ACTR3B: variants seen among roughly 807,000 people sequenced by gnomAD.
ACTR3B encodes the protein actin-related protein 3B.
Under a neutral mutation model 59.0 loss-of-function variants are expected in ACTR3B, and 8 were observed. The observed-to-expected ratio is 0.14, with a 90% CI of 0.08 to 0.24. ACTR3B has a LOEUF of 0.24. ACTR3B is among the 10% of genes least tolerant of loss of function. The pLI is 1.00. For missense variants in ACTR3B, 245 were observed against 552.3 expected, an observed-to-expected ratio of 0.44 and a Z score of 5.58; for synonymous variants, 148 against 197.9, an observed-to-expected ratio of 0.75 and a Z score of 2.12.
intron 10 of ACTR3B, among the ~76,000 whole-genome samples, chr7:152,853,191 A>G (rs919551098): frequency 1.3e-5 from 2 of 151,762 alleles, no homozygotes; most frequent in African/African-American, 4.8e-5. Flanking sequence ...AAAAAAAAAA[A>G]AGCAGTGGGG....
In ACTR3B at chr7:152,764,643, C is replaced by CA. The variant is rs57066285; in HGVS notation, c.44+4732dup. 1.2e-3 allele frequency among the ~76,000 whole-genome samples: 136 copies of CA among 116,652 alleles called. 1 individual carries two copies. The highest frequency in any genetic ancestry group is 2.0e-3 in the Non-Finnish European group (104 of 50,964). The allele number at this position is 116,652 out of a possible 152,430, so 76.5% of individuals were successfully genotyped here. On this transcript the variant is annotated intron_variant, in intron 1 of 11. Transcript: ENST00000256001. ...GCCTGGCAACAGCGAGACTCCATCT[C>CA]AAAAAAAAAAAAAAAGAAAAAATAA...
chr7:152,792,781 CA>C (rs1193210363), intron 2 of ACTR3B, among the ~76,000 whole-genome samples: 1 of 151,910 alleles, frequency 6.6e-6, no homozygotes, highest in Non-Finnish European at 1.5e-5. Flanking sequence ...ACAAAAACAA[CA>C]ACAACAAAAA....
rs1796455236 is a variant in ACTR3B, at chr7:152,824,959, TA to T, written c.859-68del. The T allele has an allele frequency of 6.7e-7, 1 of 1,481,986 alleles. No individual in the cohort carries two copies. The highest frequency in any genetic ancestry group is 1.4e-5 in the African/African-American group (1 of 70,786). 91.8% of individuals were successfully genotyped at this position (1,481,986 alleles called of 1,614,324 possible). ...AATTGTATATTTGTTAAAGTTACTT[TA>T]AAGAAGTGTGCATGTTGTTCTATTT... On this transcript the variant is annotated intron_variant, in intron 8 of 11. Transcript: ENST00000256001. This position sits in a 1 kb window ranked among gnomAD's most constrained non-coding sequence, Gnocchi z 4.2.
intron 1 of ACTR3B, among the ~76,000 whole-genome samples, chr7:152,776,693 G>A (rs933414533): frequency 1.1e-4 from 17 of 152,270 alleles, no homozygotes; most frequent in Non-Finnish European, 1.5e-4. Context: ...TAACACTGAG[G>A]TAGGGATTAT....
At chr7:152,808,819 A>G (rs1346031885) in intron 4 of ACTR3B, among the ~76,000 whole-genome samples, 5 of 152,164 alleles carry the variant, frequency 3.3e-5, no homozygotes, top group African/African-American at 9.7e-5. Flanking sequence ...GAGTACTTCT[A>G]TGTGCCCAGC....
At chr7:152,766,842 G>A (rs1254756710) in intron 1 of ACTR3B, among the ~76,000 whole-genome samples, 2 of 151,766 alleles carry the variant, frequency 1.3e-5, no homozygotes, top group African/African-American at 2.4e-5. Flanking sequence ...GCTAGAGTGC[G>A]GCGGCACAGT....
At chr7:152,838,744 C>T (rs1276320370) in intron 9 of ACTR3B, among the ~76,000 whole-genome samples, 1 of 152,236 alleles carries the variant, frequency 6.6e-6, no homozygotes, top group Non-Finnish European at 1.5e-5. Flanking sequence ...GAGGTTTTTA[C>T]AGCCACTGAC....
At chr7:152,828,532 G>A (rs1255799083) in intron 9 of ACTR3B, among the ~76,000 whole-genome samples, 9 of 152,070 alleles carry the variant, frequency 5.9e-5, no homozygotes, top group Non-Finnish European at 1.3e-4. Context: ...GTGTTAGCAA[G>A]TGCACAGATC....
chr7:152,765,615 CT>C (rs928208179), intron 1 of ACTR3B, among the ~76,000 whole-genome samples: 3 of 151,878 alleles, frequency 2.0e-5, no homozygotes, highest in Non-Finnish European at 4.4e-5. Flanking sequence ...CACCTTAATA[CT>C]TTTTGTTTTA....
chr7:152,793,411 G>A (rs1408417752), intron 2 of ACTR3B, among the ~76,000 whole-genome samples: 6 of 129,114 alleles, frequency 4.6e-5, no homozygotes, highest in Non-Finnish European at 1.6e-5. Flanking sequence ...TTCAAGTTCA[G>A]TGTTTCTTTC....
chr7:152,791,015 CTTTT>C (rs540702221), intron 2 of ACTR3B, among the ~76,000 whole-genome samples: 2 of 138,484 alleles, frequency 1.4e-5, no homozygotes, highest in Admixed American at 7.3e-5. Context: ...AATAATTGTT[CTTTT>C]TTTTTTTTTT....
intron 9 of ACTR3B, among the ~76,000 whole-genome samples, chr7:152,851,674 C>T (rs114553974): frequency 5.3e-4 from 81 of 152,308 alleles, no homozygotes; most frequent in African/African-American, 1.9e-3. Context: ...ATGTTCCTTC[C>T]GGTAACTTGG....
chr7:152,826,148 C>T (rs1479327907), intron 9 of ACTR3B, among the ~76,000 whole-genome samples: 6 of 151,906 alleles, frequency 3.9e-5, no homozygotes, highest in African/African-American at 4.8e-5. Flanking sequence ...TCACCTGTGC[C>T]GTGGAATACT....
rs370967901 is a variant in ACTR3B, at chr7:152,816,477, C to G, written c.433-4C>G. The G allele has an allele frequency of 9.6e-5, 151 of 1,568,698 alleles. 1 individual carries two copies. In the African/African-American group the frequency reaches 2.0e-3, roughly 20 times the overall value. On this transcript the variant is annotated splice_region_variant and splice_polypyrimidine_tract_variant and intron_variant, in intron 5 of 11. Transcript: ENST00000256001. ...TGCGAGCGGTTTTCATGTCTTTTCTCCAGGCAGTGCTGGCCTTGGCGGCAT... is the reference window on the plus strand; with the variant it reads ...TGCGAGCGGTTTTCATGTCTTTTCTGCAGGCAGTGCTGGCCTTGGCGGCAT...
intron 4 of ACTR3B, among the ~76,000 whole-genome samples, chr7:152,806,476 T>C (rs2098252414): frequency 1.3e-5 from 2 of 152,230 alleles, no homozygotes; most frequent in South Asian, 4.1e-4. Flanking sequence ...TAAGGCTTTA[T>C]TTTTCTTAAA....
At chr7:152,761,095 A>C (rs963515959) in intron 1 of ACTR3B, among the ~76,000 whole-genome samples, 2 of 152,178 alleles carry the variant, frequency 1.3e-5, no homozygotes, top group Admixed American at 6.6e-5. Context: ...TGAAGCGACC[A>C]GAAGTGGTTG....
At chr7:152,814,750 T>C in intron 5 of ACTR3B, 105 bp downstream of exon 5, 1 of 872,676 alleles carries the variant, frequency 1.1e-6, no homozygotes, top group East Asian at 2.7e-5. Flanking sequence ...CTGTGTGCCC[T>C]TCCTTTTTCC....
chr7:152,766,877 C>T (rs2098112121), intron 1 of ACTR3B, among the ~76,000 whole-genome samples: 1 of 152,142 alleles, frequency 6.6e-6, no homozygotes, highest in Admixed American at 6.5e-5. Context: ...ACCTCCACCT[C>T]CTGGGTTCAA....
chr7:152,848,838 C>G (rs193046729), intron 9 of ACTR3B, among the ~76,000 whole-genome samples: 1 of 152,164 alleles, frequency 6.6e-6, no homozygotes, highest in Non-Finnish European at 1.5e-5. Context: ...GCCACCCCCC[C>G]GTAGCTGCAG....
Sources: gnomAD v4.1 joint callset for allele counts (sites outside exome capture counted in the v4.1 genomes callset) on GRCh38, gnomAD v4.1.1 for gene constraint, Gnocchi (gnomAD v3.1) non-coding constraint, MANE v1.5 for transcripts, NCBI Gene and HGNC (gene_info 2026-07-23, HGNC 2026-07-21) for gene names.